PAX3: variants seen among roughly 807,000 people sequenced by gnomAD.
The protein encoded by PAX3 is paired box protein Pax-3.
In PAX3, 14 loss-of-function variants were observed where a neutral mutation model predicts 51.6. The observed-to-expected ratio is 0.27, with a 90% CI of 0.18 to 0.42. The LOEUF (loss-of-function observed/expected upper bound fraction) is 0.42, where lower values mean the gene tolerates loss of function less well. Among genes scored for constraint, PAX3 ranks in the 10% least tolerant of loss-of-function variants. The pLI, the probability that PAX3 is intolerant of heterozygous loss-of-function variation, is 1.00. For missense variants in PAX3, 540 were observed against 642.8 expected (o/e 0.84, Z 1.73); for synonymous variants, 280 against 253.4 (o/e 1.11, Z -1.00).
At chr2:222,293,952 CA>C (rs1695146217) in intron 4 of PAX3, 1 of 1,527,006 alleles carries the variant, frequency 6.5e-7, no homozygotes, top group East Asian at 2.4e-5. Context: ...GAAAGATTTA[CA>C]AAACAGAAAA....
chr2:222,266,363 C>T (rs1406789200), intron 4 of PAX3, among the ~76,000 whole-genome samples: 1 of 152,164 alleles, frequency 6.6e-6, no homozygotes, highest in African/African-American at 2.4e-5. Flanking sequence ...GAACTTGGCA[C>T]CCCTGTATAT....
At chr2:222,282,568 A>G (rs1694684093) in intron 4 of PAX3, among the ~76,000 whole-genome samples, 1 of 152,122 alleles carries the variant, frequency 6.6e-6, no homozygotes, top group Non-Finnish European at 1.5e-5. Context: ...TACTAGTTCA[A>G]CCCTAATTTG....
Position 222,201,086 on chromosome 2 carries a change from T to C in PAX3, c.*322A>G, listed in dbSNP as rs1691268859. 2.1e-6 allele frequency: 3 copies of C among 1,395,590 alleles called. No individual in the cohort carries two copies. Among genetic ancestry groups the C allele is most frequent in the Non-Finnish European group, 3.0e-6 (3 of 992,280 alleles). The allele number at this position is 1,395,590 out of a possible 1,614,324, so 86.5% of individuals were successfully genotyped here. On this transcript the variant is annotated 3_prime_UTR_variant, in exon 9 of 9. Coordinates refer to ENST00000392070, the MANE Select transcript of PAX3 (RefSeq NM_181458.4). ...ACGCACACAAGCAAATGGAATGTTC[T>C]AGCTCCTCGATGATCAGCACTAAAG...
chr2:222,254,701 A>G (rs60113045), intron 4 of PAX3, among the ~76,000 whole-genome samples: 17,665 of 152,252 alleles, frequency 0.12, 1,257 homozygotes, highest in East Asian at 0.32. Flanking sequence ...TACAGTATAA[A>G]CATGTCAAAA....
chr2:222,253,202 A>G (rs1229259487), intron 4 of PAX3, among the ~76,000 whole-genome samples: 1 of 152,234 alleles, frequency 6.6e-6, no homozygotes, highest in Non-Finnish European at 1.5e-5. Context: ...CCTAAATGGT[A>G]TGGCTCCCAG....
intron 5 of PAX3, among the ~76,000 whole-genome samples, chr2:222,230,900 C>T (rs951274454): frequency 2.6e-5 from 4 of 151,268 alleles, no homozygotes; most frequent in African/African-American, 9.7e-5. Flanking sequence ...CTTCTCAACT[C>T]CCATTGCACT....
Position 222,298,702 on chromosome 2 carries a change from C to T in PAX3, c.-87G>A. On this transcript the variant is annotated 5_prime_UTR_variant, in exon 1 of 9. Coordinates refer to ENST00000392070, the MANE Select transcript of PAX3 (RefSeq NM_181458.4). ...GGCGCGGATGACCCTCGGGAACTAT[C>T]CGGAGCGTGGAGAGCCCCTCCCCAA... 1 of 1,333,540 alleles carries T rather than the reference C, an allele frequency of 7.5e-7. No individual in the cohort carries two copies. The highest frequency in any genetic ancestry group is 1.1e-6 in the Non-Finnish European group (1 of 951,826). 82.6% of individuals were successfully genotyped at this position (1,333,540 alleles called of 1,614,324 possible). A position where few individuals can be genotyped will look rare whatever the true frequency, so the allele number is the denominator to read the frequency against.
At chr2:222,260,746 A>C (rs984288518) in intron 4 of PAX3, among the ~76,000 whole-genome samples, 2 of 151,462 alleles carry the variant, frequency 1.3e-5, no homozygotes, top group Admixed American at 6.6e-5. Context: ...GTGAACCCCC[A>C]TGCCCGGCTA....
chr2:222,250,314 G>A (rs2106124173), intron 4 of PAX3, among the ~76,000 whole-genome samples: 1 of 152,190 alleles, frequency 6.6e-6, no homozygotes, highest in East Asian at 1.9e-4. Context: ...AAAAGCTTTG[G>A]TATTTTCATG....
intron 7 of PAX3, among the ~76,000 whole-genome samples, chr2:222,219,242 A>C (rs1236826506): frequency 2.0e-5 from 3 of 152,100 alleles, no homozygotes; most frequent in Non-Finnish European, 2.9e-5. Flanking sequence ...ACCAAGAGGA[A>C]AAAGGGGGTT....
chr2:222,294,139 G>A, intron 4 of PAX3, 28 bp downstream of exon 4: 1 of 1,613,830 alleles, frequency 6.2e-7, no homozygotes, highest in Middle Eastern at 1.6e-4. Flanking sequence ...CACCCAGCAA[G>A]TGCGCCGCCC....
intron 3 of PAX3, among the ~76,000 whole-genome samples, chr2:222,295,246 G>T (rs898799316): frequency 6.6e-6 from 1 of 152,082 alleles, no homozygotes; most frequent in Non-Finnish European, 1.5e-5. Flanking sequence ...ATTAATAAAC[G>T]CTCTGCCTCC....
intron 4 of PAX3, among the ~76,000 whole-genome samples, chr2:222,291,729 G>A (rs955325058): frequency 1.1e-4 from 16 of 152,148 alleles, no homozygotes; most frequent in African/African-American, 3.9e-4. Flanking sequence ...CTGCCAGGGC[G>A]CTAAGAACGC....
Position 222,232,273 on chromosome 2 carries a change from G to A in PAX3, c.597C>T (p.Pro199=), listed in dbSNP as rs1402030784. 6.2e-7 allele frequency: 1 copy of A among 1,613,282 alleles called. No individual in the cohort carries two copies. The highest frequency in any genetic ancestry group is 1.3e-5 in the African/African-American group (1 of 74,840). ...DGILSERASA[P]QSDEGSDIDS... is the part of the protein sequence containing the mutation. ...CAATATCAGAGCCTTCATCTGATTG[G>A]GGTGCTGAGGCTAAAAGCACAGAAG... The change falls in exon 5 of 9, where the codon CCC becomes CCT. Residue 199 remains proline, a synonymous_variant. Transcript: ENST00000392070.
rs1691240086 is a variant in PAX3, at chr2:222,200,172, T to C, written c.*1236A>G. The C allele has an allele frequency of 4.6e-6, 1 of 217,464 alleles. No homozygotes were observed. Among genetic ancestry groups the C allele is most frequent in the Admixed American group, 5.8e-5 (1 of 17,190 alleles). The allele number at this position is 217,464 out of a possible 1,614,324, so 13.5% of individuals were successfully genotyped here. On this transcript the variant is annotated 3_prime_UTR_variant, in exon 9 of 9. Coordinates refer to ENST00000392070, the MANE Select transcript of PAX3 (RefSeq NM_181458.4). ...GAAATAAATAACACTGCCTTCCACCTTCTTGTTCCTCTCAACATCTCAAAA... is the reference window on the plus strand; with the variant it reads ...GAAATAAATAACACTGCCTTCCACCCTCTTGTTCCTCTCAACATCTCAAAA...
At chr2:222,204,962 T>TA (rs1691448173) in intron 7 of PAX3, among the ~76,000 whole-genome samples, 1 of 152,102 alleles carries the variant, frequency 6.6e-6, no homozygotes, top group Non-Finnish European at 1.5e-5. Flanking sequence ...ATAAACTTTT[T>TA]AAAAAAATCC....
At chr2:222,289,981 A>C (rs1559312745) in intron 4 of PAX3, among the ~76,000 whole-genome samples, 2 of 152,236 alleles carry the variant, frequency 1.3e-5, no homozygotes, top group Non-Finnish European at 2.9e-5. Context: ...ACTTGAATAA[A>C]GGATCCGATG....
At chr2:222,265,321 G>C (rs1005498684) in intron 4 of PAX3, among the ~76,000 whole-genome samples, 1 of 152,026 alleles carries the variant, frequency 6.6e-6, no homozygotes, top group Non-Finnish European at 1.5e-5. Flanking sequence ...TAGGTTCTAC[G>C]CTTTCCCCGT....
intron 3 of PAX3, 82 bp downstream of exon 3, chr2:222,295,446 G>A: frequency 6.7e-7 from 1 of 1,497,506 alleles, no homozygotes; most frequent in Non-Finnish European, 9.3e-7. Flanking sequence ...ATCGATAATT[G>A]GGGTGATTAC....
Sources: gnomAD v4.1 joint callset for allele counts (sites outside exome capture counted in the v4.1 genomes callset) on GRCh38, gnomAD v4.1.1 for gene constraint, MANE v1.5 for transcripts, NCBI Gene and HGNC (gene_info 2026-07-23, HGNC 2026-07-21) for gene names.